ERBB4: variants seen among roughly 807,000 people sequenced by gnomAD.
The protein encoded by ERBB4 is erb-b2 receptor tyrosine kinase 4, also known as receptor tyrosine-protein kinase erbB-4.
ERBB4 carries 42 observed loss-of-function variants against 158.0 expected under a neutral mutation model. The observed-to-expected ratio is 0.27, with a 90% CI of 0.21 to 0.34. The LOEUF is 0.34. Among genes scored for constraint, ERBB4 ranks in the 10% least tolerant of loss-of-function variants. The pLI is 1.00. For synonymous variants in ERBB4, 583 were observed against 558.7 expected, an observed-to-expected ratio of 1.04 and a Z score of -0.61; for missense variants, 1,333 against 1,624.1, an observed-to-expected ratio of 0.82 and a Z score of 3.08.
At chr2:212,237,143 A>G (rs1346085870) in intron 1 of ERBB4, among the ~76,000 whole-genome samples, 1 of 152,002 alleles carries the variant, frequency 6.6e-6, no homozygotes, top group African/African-American at 2.4e-5. Context: ...CCTCCTTTGG[A>G]GGAGAAGAAA....
intron 1 of ERBB4, among the ~76,000 whole-genome samples, chr2:212,308,163 G>A (rs1360227810): frequency 6.6e-6 from 1 of 151,064 alleles, no homozygotes; most frequent in Non-Finnish European, 1.5e-5. Flanking sequence ...GTCAATCATT[G>A]AAGAAACATA....
chr2:211,452,926 A>G (rs2064285244), intron 20 of ERBB4, among the ~76,000 whole-genome samples: 1 of 152,218 alleles, frequency 6.6e-6, no homozygotes, highest in Admixed American at 6.5e-5. Context: ...AAAACGATAA[A>G]TAATTAGTCT....
chr2:211,387,807 A>G, intron 26 of ERBB4, 138 bp downstream of exon 26: 1 of 740,504 alleles, frequency 1.4e-6, no homozygotes, highest in East Asian at 2.5e-5. Context: ...CTACAAAGGC[A>G]GCTACACGAT....
At chr2:211,474,841 G>T (rs990981517) in intron 20 of ERBB4, among the ~76,000 whole-genome samples, 20 of 152,094 alleles carry the variant, frequency 1.3e-4, no homozygotes, top group African/African-American at 4.8e-4. Context: ...TTAAGTACAT[G>T]GATGGAAGAA....
At chr2:212,208,261 C>T (rs935868491) in intron 1 of ERBB4, among the ~76,000 whole-genome samples, 1 of 152,128 alleles carries the variant, frequency 6.6e-6, no homozygotes, top group Non-Finnish European at 1.5e-5. Flanking sequence ...AAGGTTAATG[C>T]CTTTTATTGC....
chr2:212,288,301 A>G (rs1218135818), intron 1 of ERBB4, among the ~76,000 whole-genome samples: 2 of 152,160 alleles, frequency 1.3e-5, no homozygotes, highest in Non-Finnish European at 2.9e-5. Context: ...ACAATGGCAA[A>G]AGGAGAATAG....
chr2:211,428,634 T>C (rs2063686303), intron 21 of ERBB4, 151 bp from the exon 22 acceptor site: 1 of 461,800 alleles, frequency 2.2e-6, no homozygotes, highest in African/African-American at 2.0e-5. Flanking sequence ...ATATGTTAAT[T>C]TATGACTATA....
At chr2:212,099,067 G>A (rs914904595) in intron 2 of ERBB4, among the ~76,000 whole-genome samples, 1 of 151,724 alleles carries the variant, frequency 6.6e-6, no homozygotes, top group African/African-American at 2.4e-5. Context: ...GATCACTTGA[G>A]CCCAGGAGTT....
chr2:212,446,605 A>ATATATATATATATG (rs2092358601), intron 1 of ERBB4, among the ~76,000 whole-genome samples: 1 of 30,604 alleles, frequency 3.3e-5, no homozygotes, highest in Non-Finnish European at 6.2e-5. Context: ...ATATATATAT[A>ATATATATATATATG]TATATATATA....
At chr2:211,832,532 T>C (rs1468227131) in intron 3 of ERBB4, among the ~76,000 whole-genome samples, 1 of 151,832 alleles carries the variant, frequency 6.6e-6, no homozygotes, top group Non-Finnish European at 1.5e-5. Flanking sequence ...AATACTGAAA[T>C]ATGTTTCTTG....
chr2:212,123,691 G>C (rs551447375), intron 2 of ERBB4, among the ~76,000 whole-genome samples: 198 of 152,114 alleles, frequency 1.3e-3, no homozygotes, highest in Middle Eastern at 6.8e-3. Flanking sequence ...GTTTTGAGGT[G>C]GTTCATTTTC....
chr2:211,995,701 A>T (rs956523008), intron 2 of ERBB4, among the ~76,000 whole-genome samples: 1 of 152,138 alleles, frequency 6.6e-6, no homozygotes, highest in Admixed American at 6.6e-5. Context: ...CAGGTACAAC[A>T]TCTAATGCCC....
At chr2:212,403,116 G>A (rs2091255274) in intron 1 of ERBB4, among the ~76,000 whole-genome samples, 1 of 151,956 alleles carries the variant, frequency 6.6e-6, no homozygotes, top group South Asian at 2.1e-4. Flanking sequence ...GAACATTGGT[G>A]AACTTGGTTT....
chr2:211,529,271 C>A (rs1347484570), intron 20 of ERBB4, among the ~76,000 whole-genome samples: 1 of 151,622 alleles, frequency 6.6e-6, no homozygotes, highest in African/African-American at 2.4e-5. Flanking sequence ...TGAATAAATT[C>A]CTAGACACAT....
chr2:212,059,393 A>G (rs10180520), intron 2 of ERBB4, among the ~76,000 whole-genome samples: 94,361 of 152,064 alleles, frequency 0.62, 33,352 homozygotes, highest in East Asian at 0.92. Context: ...ATCCAATGCC[A>G]TCCCCATCAA....
intron 2 of ERBB4, among the ~76,000 whole-genome samples, chr2:211,984,908 T>A (rs573697958): frequency 5.6e-4 from 85 of 152,228 alleles, no homozygotes; most frequent in Non-Finnish European, 9.7e-4. Flanking sequence ...TTATTTATTT[T>A]TTTAGTGGAG....
chr2:212,440,498 T>C (rs1246601440), intron 1 of ERBB4, among the ~76,000 whole-genome samples: 1 of 152,132 alleles, frequency 6.6e-6, no homozygotes, highest in Non-Finnish European at 1.5e-5. Flanking sequence ...ACTTAATACA[T>C]TCATATATAT....
At chr2:212,062,399 CTT>C (rs199535512) in intron 2 of ERBB4, among the ~76,000 whole-genome samples, 100 of 81,290 alleles carry the variant, frequency 1.2e-3, no homozygotes, top group African/African-American at 4.1e-3. Flanking sequence ...CTTGTCAATT[CTT>C]TTTTTTTTTT....
chr2:211,535,484 C>T (rs1164573049), intron 20 of ERBB4, among the ~76,000 whole-genome samples: 3 of 151,892 alleles, frequency 2.0e-5, no homozygotes, highest in African/African-American at 4.8e-5. Context: ...AATAATTTGG[C>T]ATTCCTGTGC....
Sources: allele counts gnomAD v4.1 joint callset (sites outside exome capture counted in the v4.1 genomes callset), GRCh38; gene constraint gnomAD v4.1.1; transcripts MANE v1.5; gene names NCBI Gene and HGNC (gene_info 2026-07-23, HGNC 2026-07-21).